Variants in KLF12 observed in about 807,000 individuals in gnomAD.
KLF12 encodes the protein Krueppel-like factor 12.
KLF12 carries 9 observed loss-of-function variants against 37.8 expected under a neutral mutation model. The ratio of observed to expected loss-of-function variants is 0.24; its 90% confidence interval spans 0.14 to 0.42. The LOEUF is 0.42. Among genes scored for constraint, KLF12 ranks in the 10% least tolerant of loss-of-function variants. KLF12 has a pLI of 1.00. For synonymous variants in KLF12, 208 were observed against 202.1 expected (o/e 1.03, Z -0.25); for missense variants, 411 against 516.0 (o/e 0.80, Z 1.97).
chr13:74,163,698 C>T, the KLF12 span, among the ~76,000 whole-genome samples: 2 of 152,018 alleles, frequency 1.3e-5, no homozygotes, highest in South Asian at 2.1e-4. Flanking sequence ...AACTTAATTG[C>T]ATATTTCAAA....
At chr13:73,792,630 T>C (rs1881753297) in intron 5 of KLF12, among the ~76,000 whole-genome samples, 2 of 152,194 alleles carry the variant, frequency 1.3e-5, no homozygotes, top group Admixed American at 6.5e-5. Context: ...AAACAGTCTA[T>C]ATCATGATCT....
chr13:74,077,964 C>A (rs1874660257), intron 1 of KLF12, among the ~76,000 whole-genome samples: 1 of 152,158 alleles, frequency 6.6e-6, no homozygotes, highest in Non-Finnish European at 1.5e-5. Context: ...AGAATAAATG[C>A]AGCTGATGTA....
chr13:73,815,279 C>T (rs1473701234), intron 4 of KLF12, among the ~76,000 whole-genome samples: 1 of 152,096 alleles, frequency 6.6e-6, no homozygotes, highest in Admixed American at 6.5e-5. Context: ...GCTTAACTAC[C>T]CAGTCACTCG....
At chr13:73,938,002 A>C (rs1402885229) in intron 3 of KLF12, among the ~76,000 whole-genome samples, 1 of 152,214 alleles carries the variant, frequency 6.6e-6, no homozygotes, top group Non-Finnish European at 1.5e-5. Context: ...AGATTTCACT[A>C]CAGATCAAAA....
intron 6 of KLF12, among the ~76,000 whole-genome samples, chr13:73,731,833 G>C (rs750456620): frequency 7.9e-5 from 12 of 152,182 alleles, no homozygotes; most frequent in Non-Finnish European, 1.2e-4. Flanking sequence ...TGAAGGGACT[G>C]AAAGATGTGA....
intron 6 of KLF12, among the ~76,000 whole-genome samples, chr13:73,763,903 A>G (rs144347443): frequency 1.5e-3 from 226 of 152,290 alleles, no homozygotes; most frequent in African/African-American, 5.2e-3. Context: ...CCTCTGTGAA[A>G]AAGAAAAGCA....
the KLF12 span, among the ~76,000 whole-genome samples, chr13:74,198,441 T>C: frequency 2.0e-5 from 3 of 152,190 alleles, no homozygotes; most frequent in Non-Finnish European, 2.9e-5. Flanking sequence ...AGACCGGCGC[T>C]GCTCTAAGCG....
chr13:73,928,735 T>C (rs1209946621), intron 3 of KLF12, among the ~76,000 whole-genome samples: 1 of 152,220 alleles, frequency 6.6e-6, no homozygotes, highest in Non-Finnish European at 1.5e-5. Flanking sequence ...AAGTTGCCAC[T>C]TTGTATCACA....
chr13:73,835,016 A>C (rs996505299), intron 4 of KLF12, among the ~76,000 whole-genome samples: 1 of 152,138 alleles, frequency 6.6e-6, no homozygotes, highest in African/African-American at 2.4e-5. Context: ...GAATAGAGTC[A>C]CATGCAAATG....
intron 6 of KLF12, among the ~76,000 whole-genome samples, chr13:73,754,884 C>T (rs369888134): frequency 1.3e-5 from 2 of 152,160 alleles, no homozygotes; most frequent in East Asian, 3.8e-4. Flanking sequence ...TCAAAATTTA[C>T]CAACTTTTAC....
chr13:74,007,417 G>A (rs934690881), intron 1 of KLF12, among the ~76,000 whole-genome samples: 9 of 141,532 alleles, frequency 6.4e-5, no homozygotes, highest in East Asian at 4.3e-4. Flanking sequence ...GACCACAGGC[G>A]CCCGCCACCA....
chr13:74,192,702 A>C, the KLF12 span, among the ~76,000 whole-genome samples: 1 of 152,240 alleles, frequency 6.6e-6, no homozygotes, highest in East Asian at 1.9e-4. Context: ...TGGATGTCTT[A>C]CATTAAAGAG....
At chr13:74,114,107 TACAA>T (rs1435799613) in intron 1 of KLF12, among the ~76,000 whole-genome samples, 2 of 152,280 alleles carry the variant, frequency 1.3e-5, no homozygotes, top group East Asian at 1.9e-4. Context: ...AGTTGCTTCT[TACAA>T]ACAAAGTAAG....
intron 1 of KLF12, among the ~76,000 whole-genome samples, chr13:74,067,214 GA>G (rs1221733508): frequency 6.6e-6 from 1 of 151,496 alleles, no homozygotes; most frequent in Non-Finnish European, 1.5e-5. Flanking sequence ...CCTTGAAAAT[GA>G]AGTGAGATTT....
At chr13:74,193,242 A>T in the KLF12 span, among the ~76,000 whole-genome samples, 1 of 152,154 alleles carries the variant, frequency 6.6e-6, no homozygotes, top group African/African-American at 2.4e-5. Context: ...GGCCTCCCAA[A>T]GTGCTGGGAT....
intron 1 of KLF12, among the ~76,000 whole-genome samples, chr13:74,040,020 A>G (rs1229530911): frequency 6.6e-6 from 1 of 152,276 alleles, no homozygotes; most frequent in Non-Finnish European, 1.5e-5. Context: ...AAAGTATTCA[A>G]CTGTGGGTTT....
intron 5 of KLF12, among the ~76,000 whole-genome samples, chr13:73,804,293 A>T (rs2138365955): frequency 6.6e-6 from 1 of 152,330 alleles, no homozygotes; most frequent in Non-Finnish European, 1.5e-5. Context: ...CAGAACTATG[A>T]GTCATTCATT....
intron 3 of KLF12, among the ~76,000 whole-genome samples, chr13:73,865,112 C>T (rs1048411851): frequency 5.9e-5 from 9 of 152,058 alleles, no homozygotes; most frequent in African/African-American, 1.9e-4. Flanking sequence ...AACTTGATTG[C>T]CTAAATTCCA....
At chr13:74,045,157 T>C (rs1893509016) in intron 1 of KLF12, among the ~76,000 whole-genome samples, 1 of 152,144 alleles carries the variant, frequency 6.6e-6, no homozygotes, top group African/African-American at 2.4e-5. Flanking sequence ...ATAAAGACCA[T>C]AATCCTTTAT....
Sources: gnomAD v4.1 joint callset for allele counts (sites outside exome capture counted in the v4.1 genomes callset) on GRCh38, gnomAD v4.1.1 for gene constraint, MANE v1.5 for transcripts, NCBI Gene and HGNC (gene_info 2026-07-23, HGNC 2026-07-21) for gene names.